ANKS1B: variants seen among roughly 807,000 people sequenced by gnomAD.
The protein encoded by ANKS1B is ankyrin repeat and sterile alpha motif domain containing 1B, also known as ankyrin repeat and sterile alpha motif domain-containing protein 1B.
ANKS1B carries 36 observed loss-of-function variants against 148.3 expected under a neutral mutation model. The observed-to-expected ratio is 0.24, with a 90% CI of 0.19 to 0.32. The LOEUF (loss-of-function observed/expected upper bound fraction) is 0.32. Ranked by LOEUF, ANKS1B falls within the 10% of genes least tolerant of loss-of-function variation. The probability of loss-of-function intolerance (pLI) is 1.00; values close to 1 mark genes in which losing one functional copy is unlikely to be tolerated. For missense variants in ANKS1B, 1,157 were observed against 1,542.6 expected, an observed-to-expected ratio of 0.75 and a Z score of 4.19; for synonymous variants, 542 against 560.8, an observed-to-expected ratio of 0.97 and a Z score of 0.47.
chr12:98,932,195 C>T (rs1230805351), intron 17 of ANKS1B, among the ~76,000 whole-genome samples: 1 of 152,154 alleles, frequency 6.6e-6, no homozygotes, highest in South Asian at 2.1e-4. Context: ...AATTTCCCTG[C>T]TCTGGTAGGC....
In ANKS1B at chr12:98,745,375, C is replaced by CATTTTTT; in HGVS notation, c.*363_*364insAAAAAAT. Reference sequence around the variant, plus strand: ...TAGGCAGTATTAGAGATCCCCTTTACTTTTTTTTTTTTTTTTTTTTTTTTA... The same window carrying CATTTTTT: ...TAGGCAGTATTAGAGATCCCCTTTACATTTTTTTTTTTTTTTTTTTTTTTTTTTTTTA... On this transcript the variant is annotated 3_prime_UTR_variant, in exon 27 of 27. Coordinates refer to ENST00000683438, the MANE Select transcript of ANKS1B (RefSeq NM_001352186.2). 1.1e-6 allele frequency: 1 copy of CATTTTTT among 911,242 alleles called. No homozygotes were observed. Among genetic ancestry groups the CATTTTTT allele is most frequent in the South Asian group, 5.4e-5 (1 of 18,532 alleles). 56.4% of individuals were successfully genotyped at this position (911,242 alleles called of 1,614,324 possible).
intron 17 of ANKS1B, among the ~76,000 whole-genome samples, chr12:98,918,486 T>A (rs2099797343): frequency 6.6e-6 from 1 of 152,190 alleles, no homozygotes; most frequent in Non-Finnish European, 1.5e-5. Context: ...CACAATTTAA[T>A]CCTTTCCCTA....
At chr12:99,592,233 A>G (rs2097709878) in intron 9 of ANKS1B, among the ~76,000 whole-genome samples, 1 of 152,130 alleles carries the variant, frequency 6.6e-6, no homozygotes, top group African/African-American at 2.4e-5. Context: ...GGTTGATCTA[A>G]AGCACACGAA....
At chr12:99,824,725 C>T (rs774386000) in intron 2 of ANKS1B, among the ~76,000 whole-genome samples, 29 of 152,038 alleles carry the variant, frequency 1.9e-4, no homozygotes, top group South Asian at 4.2e-4. Context: ...GAGATTGTTA[C>T]GGCTACACAC....
rs774399547 is a variant in ANKS1B at position 99,246,771 on chromosome 12, T to A, written c.1850A>T (p.Glu617Val). ...GAGATGAAATGGATTTTCAGGGGAC[T>A]CACAGGCTGGAGAGGATCCATGGAG... Reference protein sequence around the residue: ...GLLHGSSPACESPENPFHLYG... With the variant: ...GLLHGSSPACVSPENPFHLYG... The change falls in exon 13 of 27, where the codon GAG becomes GTG. Residue 617 changes from glutamate to valine, a missense_variant. Transcript: ENST00000683438. 1 of 1,613,904 alleles carries A rather than the reference T, an allele frequency of 6.2e-7. No homozygotes were observed. Among genetic ancestry groups the A allele is most frequent in the African/African-American group, 1.3e-5 (1 of 75,036 alleles).
chr12:99,271,394 G>A (rs1216550789), intron 12 of ANKS1B, among the ~76,000 whole-genome samples: 17 of 151,870 alleles, frequency 1.1e-4, no homozygotes, highest in African/African-American at 3.4e-4. Context: ...CTGTAAAAAC[G>A]TTTTGTTTAT....
intron 12 of ANKS1B, among the ~76,000 whole-genome samples, chr12:99,385,443 T>C (rs2093820939): frequency 6.6e-6 from 1 of 152,220 alleles, no homozygotes; most frequent in Non-Finnish European, 1.5e-5. Context: ...CACTCCAGCC[T>C]GGGCAACAGA....
intron 9 of ANKS1B, among the ~76,000 whole-genome samples, chr12:99,561,726 C>G (rs2097338140): frequency 6.6e-6 from 1 of 152,136 alleles, no homozygotes; most frequent in South Asian, 2.1e-4. Flanking sequence ...CTATTTCTAC[C>G]ACATCTTCAG....
intron 12 of ANKS1B, among the ~76,000 whole-genome samples, chr12:99,317,055 G>C (rs2084251915): frequency 6.6e-6 from 1 of 152,182 alleles, no homozygotes; most frequent in South Asian, 2.1e-4. Context: ...GTACCATGCT[G>C]TTTTGGTTAC....
chr12:99,867,769 G>A (rs1397918882), intron 1 of ANKS1B, among the ~76,000 whole-genome samples: 1 of 152,140 alleles, frequency 6.6e-6, no homozygotes, highest in Admixed American at 6.6e-5. Context: ...CAGAGAACAG[G>A]AAAATATAAA....
At chr12:99,463,799 G>C (rs963141928) in intron 10 of ANKS1B, among the ~76,000 whole-genome samples, 5 of 152,242 alleles carry the variant, frequency 3.3e-5, no homozygotes, top group African/African-American at 1.2e-4. Context: ...AGCTCGAACT[G>C]GGTGGAGCCC....
intron 10 of ANKS1B, among the ~76,000 whole-genome samples, chr12:99,457,239 A>T (rs550120409): frequency 4.9e-4 from 74 of 152,262 alleles, no homozygotes; most frequent in Admixed American, 1.8e-3. Flanking sequence ...TCACTAAAAG[A>T]ATGGCTAAAA....
chr12:99,089,882 CAATA>C (rs1401907644), intron 15 of ANKS1B, among the ~76,000 whole-genome samples: 9 of 152,130 alleles, frequency 5.9e-5, no homozygotes, highest in African/African-American at 1.9e-4. Context: ...TAACAATAAT[CAATA>C]AATAAAGTTG....
intron 9 of ANKS1B, among the ~76,000 whole-genome samples, chr12:99,637,135 G>A (rs535631810): frequency 6.6e-6 from 1 of 152,142 alleles, no homozygotes; most frequent in South Asian, 2.1e-4. Flanking sequence ...GTGAAACCCT[G>A]TCTCTACTAA....
intron 17 of ANKS1B, among the ~76,000 whole-genome samples, chr12:98,932,452 G>T (rs979271959): frequency 1.3e-5 from 2 of 152,112 alleles, no homozygotes; most frequent in Non-Finnish European, 2.9e-5. Flanking sequence ...GTTTGTGGAA[G>T]GGAACAAATC....
chr12:99,667,570 C>T (rs1474527103), intron 8 of ANKS1B, among the ~76,000 whole-genome samples: 2 of 152,014 alleles, frequency 1.3e-5, no homozygotes, highest in African/African-American at 4.8e-5. Context: ...AATCTTTATG[C>T]CTTTATTTTC....
chr12:98,830,625 G>A (rs1021006719), intron 18 of ANKS1B, among the ~76,000 whole-genome samples: 1 of 152,194 alleles, frequency 6.6e-6, no homozygotes, highest in Admixed American at 6.5e-5. Context: ...ATTTCATCAC[G>A]ATGGTTACGT....
At chr12:99,186,091 C>T (rs1304068527) in intron 14 of ANKS1B, among the ~76,000 whole-genome samples, 2 of 152,260 alleles carry the variant, frequency 1.3e-5, no homozygotes, top group African/African-American at 2.4e-5. Context: ...CTTGAATAGG[C>T]GGTTTTCCCC....
At chr12:99,125,587 T>C (rs1038472748) in intron 15 of ANKS1B, among the ~76,000 whole-genome samples, 18 of 152,118 alleles carry the variant, frequency 1.2e-4, no homozygotes, top group African/African-American at 2.2e-4. Flanking sequence ...TGGGCATGAA[T>C]TGGTGCTGTG....
Sources: allele counts gnomAD v4.1 joint callset (sites outside exome capture counted in the v4.1 genomes callset), GRCh38; gene constraint gnomAD v4.1.1; transcripts MANE v1.5; gene names NCBI Gene and HGNC (gene_info 2026-07-23, HGNC 2026-07-21).